NAXD: variants seen among roughly 807,000 people sequenced by gnomAD.
NAXD encodes the protein ATP-dependent (S)-NAD(P)H-hydrate dehydratase.
A neutral mutation model predicts 35.8 loss-of-function variants in NAXD; 22 were observed. The ratio of observed to expected loss-of-function variants is 0.62; its 90% CI spans 0.44 to 0.88. The LOEUF (loss-of-function observed/expected upper bound fraction) is 0.88, where lower values mean the gene tolerates loss of function less well. Ranked by LOEUF, NAXD falls within the 40% of genes least tolerant of loss-of-function variation. The probability of loss-of-function intolerance (pLI) is 0.00; values close to 1 mark genes in which losing one functional copy is unlikely to be tolerated. For synonymous variants in NAXD, 189 were observed against 177.6 expected, an observed-to-expected ratio of 1.06 and a Z score of -0.51; for missense variants, 428 against 437.7, an observed-to-expected ratio of 0.98 and a Z score of 0.20.
At chr13:110,625,140 C>A in intron 3 of NAXD, 50 bp from the exon 4 acceptor site, 3 of 1,385,774 alleles carry the variant, frequency 2.2e-6, no homozygotes, top group East Asian at 2.3e-5. Context: ...GGCGGGTGGG[C>A]AGCGATGCCG....
At chr13:110,632,645 G>C (rs142885587) in intron 5 of NAXD, among the ~76,000 whole-genome samples, 2 of 152,178 alleles carry the variant, frequency 1.3e-5, no homozygotes, top group East Asian at 1.9e-4. Flanking sequence ...ACAGAGTGTC[G>C]ATAGGTGCAC....
In NAXD at chr13:110,628,650, C is replaced by T. The variant is rs1886588009; in HGVS notation, c.441+1103C>T. 6.6e-6 allele frequency among the ~76,000 whole-genome samples: 1 copy of T among 152,050 alleles called. No homozygotes were observed. The highest frequency in any genetic ancestry group is 1.5e-5 in the Non-Finnish European group (1 of 68,014). ...CAGGAAAAGCGGCGTGGAGTCAGCA[C>T]GGGAGCCCGTCTTTGAGCTTTAAGG... On this transcript the variant is annotated intron_variant, in intron 5 of 9. Coordinates refer to ENST00000680254, the MANE Select transcript of NAXD (RefSeq NM_001242882.2). The surrounding 1 kb of genome is among the most constrained non-coding windows in gnomAD (Gnocchi z 4.1).
chr13:110,625,320 T>A, intron 4 of NAXD, 42 bp downstream of exon 4: 1 of 1,375,858 alleles, frequency 7.3e-7, no homozygotes, highest in African/African-American at 1.4e-5. Flanking sequence ...TCTCTTTCCC[T>A]CCTGCATCAT....
chr13:110,615,960 A>T (rs955797013), intron 1 of NAXD: 5 of 435,656 alleles, frequency 1.1e-5, no homozygotes, highest in African/African-American at 1.0e-4. Context: ...GCGGGGTGAC[A>T]GAGGGGCAGA....
chr13:110,638,179 C>A lies in NAXD; in HGVS notation c.840-199C>A. 1.4e-6 allele frequency: 2 copies of A among 1,472,346 alleles called. No individual in the cohort carries two copies. The highest frequency in any genetic ancestry group is 9.2e-7 in the Non-Finnish European group (1 of 1,091,928). 91.2% of individuals were successfully genotyped at this position (1,472,346 alleles called of 1,614,324 possible). A position where few individuals can be genotyped will look rare whatever the true frequency, so the allele number is the denominator to read the frequency against. On this transcript the variant is annotated intron_variant, in intron 9 of 9. Transcript: ENST00000680254. The surrounding 1 kb of genome is among the most constrained non-coding windows in gnomAD (Gnocchi z 5.4). The stretch of plus-strand genomic sequence containing the variant: ...TACATAGACGTTTCCTGTGTGCCTC[C>A]TGCCAGGGAGTAGTGGAGGGTTAAT...
chr13:110,630,866 T>G (rs1227439266), intron 5 of NAXD, among the ~76,000 whole-genome samples: 1 of 152,226 alleles, frequency 6.6e-6, no homozygotes, highest in Non-Finnish European at 1.5e-5. Context: ...TTTGTTGATC[T>G]GTACAGCTGT....
Position 110,622,283 on chromosome 13 carries a change from G to C in NAXD, c.114G>C (p.Leu38=), listed in dbSNP as rs747867609. The change falls in exon 2 of 10, where the codon CTG becomes CTC. Residue 38 remains leucine, a synonymous_variant. Coordinates refer to ENST00000680254, the MANE Select transcript of NAXD (RefSeq NM_001242882.2). ...AGGATATGGAAAATACTTTGCAGCT[G>C]GTGAGAAATATCATACCTCCTCTGT... ...SIKDMENTLQ[L]VRNIIPPLSS... 3 of 1,614,000 alleles carry C rather than the reference G, an allele frequency of 1.9e-6. No homozygotes were observed. The highest frequency in any genetic ancestry group is 2.5e-6 in the Non-Finnish European group (3 of 1,180,000).
chr13:110,621,508 C>T lies in NAXD; in HGVS notation c.47-708C>T, dbSNP rs142830833. Reference sequence around the variant, plus strand: ...GTAAGGAGTTGGAGACCAGCCTGGCCAACATGGTGAAACCCTGTCTCTACT... The same window carrying T: ...GTAAGGAGTTGGAGACCAGCCTGGCTAACATGGTGAAACCCTGTCTCTACT... On this transcript the variant is annotated intron_variant, in intron 1 of 9. Coordinates refer to ENST00000680254, the MANE Select transcript of NAXD (RefSeq NM_001242882.2). Among the ~76,000 whole-genome samples, 806 of 151,992 alleles carry T rather than the reference C, an allele frequency of 5.3e-3. 12 individuals are homozygous for T. The highest frequency in any genetic ancestry group is 0.019 in the African/African-American group (787 of 41,416).
chr13:110,635,546 G>C lies in NAXD; in HGVS notation c.676G>C (p.Val226Leu), dbSNP rs1227577784. ...LSQALGNVTV[V>L]QKGERDILSN... is the part of the protein sequence containing the mutation. ...CCAAGCCCTGGGCAACGTGACGGTG[G>C]TCCAGAAAGGAGAGCGCGACATCCT... Residue 226 changes from valine to leucine, a missense_variant, in exon 8 of 10, where the codon GTC becomes CTC. By Grantham distance (32) the Val-to-Leu change is conservative. Around this residue, in one of 3 missense-constraint regions of NAXD, gnomAD observed 209 missense variants for 214.6 expected, o/e 0.97. Transcript: ENST00000680254. 8 of 1,614,060 alleles carry C rather than the reference G, an allele frequency of 5.0e-6. No homozygotes were observed. The highest frequency in any genetic ancestry group is 5.9e-6 in the Non-Finnish European group (7 of 1,180,054).
rs1886420575 is a variant in NAXD at position 110,625,221 on chromosome 13, G to A, written c.275G>A (p.Ser92Asn). ...GADLSHVFCASAAAPVIKAYS... is the reference protein window; with the variant it reads ...GADLSHVFCANAAAPVIKAYS... ...GACTTGTCCCACGTGTTCTGTGCCA[G>A]TGCGGCCGCACCTGTGATTAAGGCC... Residue 92 changes from serine (S) to asparagine (N), a missense_variant, in exon 4 of 10, where the codon AGT becomes AAT. Around this residue, in one of 3 missense-constraint regions of NAXD, gnomAD observed 208 missense variants for 193.0 expected, o/e 1.08. Transcript: ENST00000680254. The A allele has an allele frequency of 6.2e-7, 1 of 1,613,964 alleles. No homozygotes were observed. The highest frequency in any genetic ancestry group is 8.5e-7 in the Non-Finnish European group (1 of 1,179,928).
At chr13:110,633,211 A>G (rs403908) in intron 5 of NAXD, among the ~76,000 whole-genome samples, 55,480 of 151,886 alleles carry the variant, frequency 0.37, 11,141 homozygotes, top group African/African-American at 0.53. Flanking sequence ...GAAATTGAGC[A>G]CAGTGCCGGT....
rs777987782 is a variant in NAXD at position 110,637,187 on chromosome 13, G to C, written c.777G>C (p.Leu259=). 1 of 1,614,034 alleles carries C rather than the reference G, an allele frequency of 6.2e-7. No homozygotes were observed. The highest frequency in any genetic ancestry group is 2.2e-5 in the East Asian group (1 of 44,882). ...SRRCGGQGDL[L]SGSLGVLVHW... is the part of the protein sequence containing the mutation. ...GGTGTGGAGGGCAAGGGGACCTCCTGTCGGGCTCCCTGGGCGTCCTGGTAC... is the reference window on the plus strand; with the variant it reads ...GGTGTGGAGGGCAAGGGGACCTCCTCTCGGGCTCCCTGGGCGTCCTGGTAC... Residue 259 remains leucine, a synonymous_variant, in exon 9 of 10, where the codon CTG becomes CTC. Coordinates refer to ENST00000680254, the MANE Select transcript of NAXD (RefSeq NM_001242882.2).
At chr13:110,626,884 G>A (rs1260753466) in intron 4 of NAXD, among the ~76,000 whole-genome samples, 1 of 152,262 alleles carries the variant, frequency 6.6e-6, no homozygotes, top group African/African-American at 2.4e-5. Context: ...AACTGCAGCA[G>A]GGTCAGTGCG....
At chr13:110,623,426 A>G (rs1886340031) in intron 2 of NAXD, among the ~76,000 whole-genome samples, 2 of 152,162 alleles carry the variant, frequency 1.3e-5, no homozygotes. Flanking sequence ...CAGGGATTCC[A>G]GAACAGCCAG....
chr13:110,623,809 C>G (rs1477381833), intron 2 of NAXD, among the ~76,000 whole-genome samples: 1 of 152,178 alleles, frequency 6.6e-6, no homozygotes, highest in African/African-American at 2.4e-5. Flanking sequence ...TTGAGACCAG[C>G]CTGACCAACA....
intron 1 of NAXD, 171 bp downstream of exon 1, chr13:110,615,818 C>G (rs1037129797): frequency 8.6e-6 from 11 of 1,284,950 alleles, no homozygotes; most frequent in Non-Finnish European, 9.9e-6. Context: ...GGGGGGGAAG[C>G]GCCGCCGAGG....
At chr13:110,622,390 G>A (rs1886304100) in intron 2 of NAXD, 24 bp downstream of exon 2, 1 of 1,608,010 alleles carries the variant, frequency 6.2e-7, no homozygotes, top group Non-Finnish European at 8.5e-7. Flanking sequence ...GTGCAGTGTT[G>A]GTGTTTAAAA....
intron 5 of NAXD, among the ~76,000 whole-genome samples, chr13:110,634,275 C>T (rs189334174): frequency 6.0e-4 from 91 of 152,252 alleles, no homozygotes; most frequent in Non-Finnish European, 1.2e-3. Flanking sequence ...TGATAATGAA[C>T]AGGCGTTTAC....
intron 7 of NAXD, 35 bp downstream of exon 7, chr13:110,634,811 GC>G: frequency 6.6e-7 from 1 of 1,517,924 alleles, no homozygotes; most frequent in Non-Finnish European, 9.1e-7. Context: ...GTAGATGCAA[GC>G]CCTGTTCGTC....
Sources: gnomAD v4.1 joint callset for allele counts (sites outside exome capture counted in the v4.1 genomes callset) on GRCh38, gnomAD v4.1.1 for gene constraint, gnomAD v4.1.1 regional missense constraint, Gnocchi (gnomAD v3.1) non-coding constraint, MANE v1.5 for transcripts, NCBI Gene and HGNC (gene_info 2026-07-23, HGNC 2026-07-21) for gene names.